DCLK2: variants seen among roughly 807,000 people sequenced by gnomAD.
DCLK2 encodes serine/threonine-protein kinase DCLK2.
Under a neutral mutation model 78.4 loss-of-function variants are expected in DCLK2, and 31 were observed. The ratio of observed to expected loss-of-function variants is 0.40; its 90% CI spans 0.30 to 0.53. The LOEUF is 0.53. Among genes scored for constraint, DCLK2 ranks in the 20% least tolerant of loss-of-function variants. DCLK2 has a pLI of 0.61. For missense variants in DCLK2, 872 were observed against 973.7 expected, an observed-to-expected ratio of 0.90 and a Z score of 1.39; for synonymous variants, 407 against 374.9, an observed-to-expected ratio of 1.09 and a Z score of -0.99.
rs58179559 is a variant in DCLK2 at position 150,194,022 on chromosome 4, GACACACACACAC to G, written c.859+821_859+832del. On this transcript the variant is annotated intron_variant, in intron 3 of 15. Coordinates refer to ENST00000296550, the MANE Select transcript of DCLK2 (RefSeq NM_001040260.4). ...CCACCTCAGCCTCCCAAAGTGCTGG[GACACACACACAC>G]ACACACACACACACACACACACACA... Among the ~76,000 whole-genome samples the G allele has an allele frequency of 9.5e-3, 1,278 of 133,866 alleles. 10 individuals carry two copies. Among genetic ancestry groups the G allele is most frequent in the African/African-American group, 0.024 (849 of 35,146 alleles). 87.8% of individuals were successfully genotyped at this position (133,866 alleles called of 152,430 possible).
chr4:150,163,133 C>T (rs1467031019), intron 2 of DCLK2, among the ~76,000 whole-genome samples: 1 of 152,080 alleles, frequency 6.6e-6, no homozygotes, highest in Non-Finnish European at 1.5e-5. Flanking sequence ...CTCGGTGGCT[C>T]ACGCCTGTAA....
intron 14 of DCLK2, among the ~76,000 whole-genome samples, chr4:150,248,878 G>A (rs1743526559): frequency 6.6e-6 from 1 of 152,142 alleles, no homozygotes; most frequent in Admixed American, 6.5e-5. Context: ...CCCTCCCAGA[G>A]GCTCAGGTGG....
At chr4:150,156,989 C>T (rs1286602795) in intron 2 of DCLK2, among the ~76,000 whole-genome samples, 7 of 151,488 alleles carry the variant, frequency 4.6e-5, no homozygotes, top group African/African-American at 9.7e-5. Flanking sequence ...AGGCAGATCT[C>T]GAACTCCTGG....
chr4:150,087,292 C>T lies in DCLK2; in HGVS notation c.421+7844C>T, dbSNP rs183785709. Among the ~76,000 whole-genome samples, 635 of 152,270 alleles carry T rather than the reference C, an allele frequency of 4.2e-3. 4 individuals are homozygous for T. The highest frequency in any genetic ancestry group is 0.014 in the African/African-American group (598 of 41,540). On this transcript the variant is annotated intron_variant, in intron 1 of 15. Transcript: ENST00000296550. Reference sequence around the variant, plus strand: ...GACTAAAATAATCTGCAATTTTGACCTACTCTGTTACCTTTTGTTTATTTG... The same window carrying T: ...GACTAAAATAATCTGCAATTTTGACTTACTCTGTTACCTTTTGTTTATTTG...
intron 4 of DCLK2, among the ~76,000 whole-genome samples, chr4:150,199,430 AT>A (rs1164048435): frequency 2.0e-5 from 3 of 152,194 alleles, no homozygotes; most frequent in African/African-American, 7.2e-5. Context: ...CATAGAAGCA[AT>A]TTTGATCTTC....
Position 150,132,016 on chromosome 4 carries a change from A to G in DCLK2, c.756+29204A>G, listed in dbSNP as rs1478543514. Among the ~76,000 whole-genome samples the G allele has an allele frequency of 1.2e-4, 19 of 152,162 alleles. 1 individual carries two copies. The highest frequency in any genetic ancestry group is 1.2e-3 in the Admixed American group (19 of 15,282). ...GCCTCGGGCTGTATATGACTGTACA[A>G]TTTGCACATCCATAAAGGCAGCCCT... On this transcript the variant is annotated intron_variant, in intron 2 of 15. Transcript: ENST00000296550.
At chr4:150,194,463 CCT>C (rs1738717136) in intron 3 of DCLK2, among the ~76,000 whole-genome samples, 1 of 152,040 alleles carries the variant, frequency 6.6e-6, no homozygotes. Context: ...GAAAAAATCC[CCT>C]TTTGCTAACT....
At chr4:150,228,769 G>A (rs1741805631) in intron 8 of DCLK2, among the ~76,000 whole-genome samples, 1 of 152,206 alleles carries the variant, frequency 6.6e-6, no homozygotes, top group Non-Finnish European at 1.5e-5. Flanking sequence ...GCTCACGCCT[G>A]TAATCCCAGC....
At chr4:150,154,889 C>G (rs1735155556) in intron 2 of DCLK2, among the ~76,000 whole-genome samples, 1 of 152,110 alleles carries the variant, frequency 6.6e-6, no homozygotes, top group Admixed American at 6.5e-5. Context: ...AGAACATTAG[C>G]TGATTTTTAT....
At position 150,240,293 on chromosome 4, in the gene DCLK2, A is replaced by G. The variant is rs866645995; in HGVS notation, c.1701-106A>G. ...TATGTGAAATGAAATGAATAATTTA[A>G]CACTAAAATAATCCTTTTCCTAACA... On this transcript the variant is annotated intron_variant, in intron 11 of 15. Transcript: ENST00000296550. 1.2e-4 allele frequency: 108 copies of G among 917,764 alleles called. No homozygotes were observed. The Middle Eastern group carries it at 1.5e-3, about 13-fold the overall frequency. 56.9% of individuals were successfully genotyped at this position (917,764 alleles called of 1,614,324 possible). A position where few individuals can be genotyped will look rare whatever the true frequency, so the allele number is the denominator to read the frequency against.
chr4:150,112,817 C>A (rs531481055), intron 2 of DCLK2, among the ~76,000 whole-genome samples: 3 of 82,662 alleles, frequency 3.6e-5, no homozygotes, highest in African/African-American at 1.5e-4. Context: ...TTTCTTTCCC[C>A]GCCCCCCGCC....
intron 2 of DCLK2, among the ~76,000 whole-genome samples, chr4:150,153,115 A>G (rs1447088407): frequency 1.3e-4 from 20 of 152,242 alleles, no homozygotes; most frequent in Non-Finnish European, 2.5e-4. Context: ...GCATAGAAGT[A>G]CATGAAAGTC....
At chr4:150,108,533 G>C (rs1429819639) in intron 2 of DCLK2, among the ~76,000 whole-genome samples, 2 of 151,702 alleles carry the variant, frequency 1.3e-5, no homozygotes, top group Non-Finnish European at 2.9e-5. Flanking sequence ...GACAGAGCAA[G>C]ACTCTGTCTC....
intron 2 of DCLK2, among the ~76,000 whole-genome samples, chr4:150,148,709 A>G (rs1734657464): frequency 6.6e-6 from 1 of 152,072 alleles, no homozygotes; most frequent in Non-Finnish European, 1.5e-5. Flanking sequence ...ATCTAAATAT[A>G]GAGTTCATAA....
chr4:150,112,276 G>A (rs953272135), intron 2 of DCLK2, among the ~76,000 whole-genome samples: 8 of 152,118 alleles, frequency 5.3e-5, no homozygotes, highest in African/African-American at 1.9e-4. Flanking sequence ...GGTCATTGTT[G>A]ATGTATAACA....
At chr4:150,153,364 G>T (rs1463303204) in intron 2 of DCLK2, among the ~76,000 whole-genome samples, 1 of 152,072 alleles carries the variant, frequency 6.6e-6, no homozygotes, top group African/African-American at 2.4e-5. Flanking sequence ...AATGCTCCAG[G>T]CCTGCCAGCC....
intron 15 of DCLK2, among the ~76,000 whole-genome samples, chr4:150,250,532 G>C (rs1743694583): frequency 6.6e-6 from 1 of 151,760 alleles, no homozygotes; most frequent in Non-Finnish European, 1.5e-5. Flanking sequence ...CAGGGAACAG[G>C]GGTGGAGTGG....
chr4:150,233,720 T>C (rs1021851120), intron 10 of DCLK2, among the ~76,000 whole-genome samples: 9 of 152,188 alleles, frequency 5.9e-5, no homozygotes, highest in African/African-American at 1.9e-4. Flanking sequence ...GAGTTCTTCA[T>C]AGTCTGATCT....
chr4:150,084,832 C>T (rs975994595), intron 1 of DCLK2, among the ~76,000 whole-genome samples: 2 of 152,170 alleles, frequency 1.3e-5, no homozygotes, highest in African/African-American at 4.8e-5. Context: ...TACCGCCTGG[C>T]TAGGTCTTTT....
Sources: allele counts gnomAD v4.1 joint callset (sites outside exome capture counted in the v4.1 genomes callset), GRCh38; gene constraint gnomAD v4.1.1; transcripts MANE v1.5; gene names NCBI Gene and HGNC (gene_info 2026-07-23, HGNC 2026-07-21).